The following IGSF21 variants were observed in gnomAD, a reference collection of about 807,000 sequenced individuals.
The protein encoded by IGSF21 is immunoglobulin superfamily member 21.
A neutral mutation model predicts 46.8 loss-of-function variants in IGSF21; 28 were observed. The observed-to-expected ratio is 0.60, with a 90% CI of 0.44 to 0.82. IGSF21 has a LOEUF of 0.82. Among genes scored for constraint, IGSF21 ranks in the 40% least tolerant of loss-of-function variants. IGSF21 has a pLI of 0.00. For missense variants in IGSF21, 624 were observed against 665.5 expected (o/e 0.94, Z 0.69); for synonymous variants, 284 against 273.6 (o/e 1.04, Z -0.38).
chr1:18,333,131 C>G (rs1221564803), intron 3 of IGSF21, among the ~76,000 whole-genome samples: 1 of 152,162 alleles, frequency 6.6e-6, no homozygotes, highest in East Asian at 1.9e-4. Context: ...TGAGCGCCAA[C>G]CAACTGCTGC....
chr1:18,212,439 C>G (rs895594814), intron 1 of IGSF21, among the ~76,000 whole-genome samples: 2 of 152,184 alleles, frequency 1.3e-5, no homozygotes, highest in Non-Finnish European at 2.9e-5. Flanking sequence ...TTCAGAACAC[C>G]TTCCCTGCTG....
At chr1:18,223,877 C>G (rs910361444) in intron 1 of IGSF21, among the ~76,000 whole-genome samples, 1 of 152,218 alleles carries the variant, frequency 6.6e-6, no homozygotes, top group Non-Finnish European at 1.5e-5. Context: ...CCCACTCCCT[C>G]AGCTTCCTGC....
chr1:18,319,069 T>C (rs2124592110), intron 3 of IGSF21, among the ~76,000 whole-genome samples: 2 of 152,324 alleles, frequency 1.3e-5, no homozygotes, highest in Middle Eastern at 6.8e-3. Context: ...TGTCTTAAAC[T>C]AGATAAGAGT....
chr1:18,139,209 T>C (rs1024274413), intron 1 of IGSF21, among the ~76,000 whole-genome samples: 2 of 152,228 alleles, frequency 1.3e-5, no homozygotes, highest in African/African-American at 4.8e-5. Flanking sequence ...GTAACACTTT[T>C]TGCATGAATA....
At chr1:18,355,923 C>T (rs2086012672) in intron 4 of IGSF21, among the ~76,000 whole-genome samples, 1 of 150,794 alleles carries the variant, frequency 6.6e-6, no homozygotes, top group Non-Finnish European at 1.5e-5. Context: ...GCAACCTCCG[C>T]CTTCCGGGTT....
At chr1:18,201,292 G>A (rs187851407) in intron 1 of IGSF21, among the ~76,000 whole-genome samples, 60 of 152,308 alleles carry the variant, frequency 3.9e-4, no homozygotes, top group Non-Finnish European at 7.8e-4. Flanking sequence ...ACTCAGAATG[G>A]CCAGGCTAAG....
chr1:18,257,505 C>A (rs1047904744), intron 2 of IGSF21, among the ~76,000 whole-genome samples: 2 of 152,102 alleles, frequency 1.3e-5, no homozygotes, highest in African/African-American at 4.8e-5. Context: ...GTGGAGGCTA[C>A]GGAGGCTCAG....
chr1:18,356,292 C>T (rs2086017311), intron 4 of IGSF21, among the ~76,000 whole-genome samples: 1 of 152,220 alleles, frequency 6.6e-6, no homozygotes, highest in Non-Finnish European at 1.5e-5. Flanking sequence ...CCACCACACA[C>T]ACCCCAGAGA....
intron 2 of IGSF21, among the ~76,000 whole-genome samples, chr1:18,253,086 T>C (rs923256484): frequency 2.6e-5 from 4 of 152,156 alleles, no homozygotes; most frequent in Non-Finnish European, 5.9e-5. Context: ...CCTTCTGGAA[T>C]TGGGACAAGC....
chr1:18,126,655 C>T (rs1324500879), intron 1 of IGSF21, among the ~76,000 whole-genome samples: 1 of 152,190 alleles, frequency 6.6e-6, no homozygotes, highest in African/African-American at 2.4e-5. Context: ...TGAACCTCTC[C>T]TCTGCCAGCC....
chr1:18,242,490 AGT>A (rs2124519195), intron 2 of IGSF21, among the ~76,000 whole-genome samples: 1 of 152,340 alleles, frequency 6.6e-6, no homozygotes, highest in East Asian at 1.9e-4. Flanking sequence ...AAAGTGGTAG[AGT>A]AACTCAAATG....
rs998452889 is a variant in IGSF21, at chr1:18,359,261, G to C, written c.425-2854G>C. 5.6e-5 allele frequency among the ~76,000 whole-genome samples: 8 copies of C among 143,122 alleles called. 2 individuals are homozygous for C. The highest frequency in any genetic ancestry group is 1.1e-4 in the African/African-American group (4 of 37,504). 93.9% of individuals were successfully genotyped at this position (143,122 alleles called of 152,430 possible). On this transcript the variant is annotated intron_variant, in intron 4 of 9. Transcript: ENST00000251296. ...CCAGTTCACTCCAGCCTGGGTAACA[G>C]AGCGAGACCCTGCCTCAAAAAACAC...
At position 18,376,890 on chromosome 1, in the gene IGSF21, G is replaced by T; in HGVS notation, c.1192G>T (p.Val398Leu). The T allele has an allele frequency of 6.2e-7, 1 of 1,613,034 alleles. No individual in the cohort carries two copies. Among genetic ancestry groups the T allele is most frequent in the Non-Finnish European group, 8.5e-7 (1 of 1,179,100 alleles). ...CGCTGAGTTCGACGGGAAGGAGCTG[G>T]TGCTGGAGCGGGTTCCCGCCGAGCT... ...GSAEFDGKELVLERVPAELNG... is the reference protein window; with the variant it reads ...GSAEFDGKELLLERVPAELNG... Residue 398 changes from valine (V) to leucine (L), a missense_variant, in exon 8 of 10, where the codon GTG becomes TTG. By Grantham distance (32) the Val-to-Leu change is conservative. Coordinates refer to ENST00000251296, the MANE Select transcript of IGSF21 (RefSeq NM_032880.5).
At chr1:18,175,781 G>A (rs551595350) in intron 1 of IGSF21, among the ~76,000 whole-genome samples, 21 of 152,368 alleles carry the variant, frequency 1.4e-4, no homozygotes, top group South Asian at 8.3e-4. Context: ...TGTTCCCTCC[G>A]CCTCCAAAAG....
intron 1 of IGSF21, among the ~76,000 whole-genome samples, chr1:18,116,828 T>G (rs2086193504): frequency 6.6e-6 from 1 of 152,202 alleles, no homozygotes; most frequent in Non-Finnish European, 1.5e-5. Flanking sequence ...TGAAACAATC[T>G]TGCCAGGTCA....
intron 2 of IGSF21, among the ~76,000 whole-genome samples, chr1:18,261,531 G>A (rs1037709932): frequency 4.6e-5 from 7 of 152,136 alleles, no homozygotes; most frequent in Admixed American, 6.5e-5. Context: ...TCTAGAAATG[G>A]CCACATAATT....
chr1:18,230,437 C>T lies in IGSF21; in HGVS notation c.183+2427C>T, dbSNP rs147520079. On this transcript the variant is annotated intron_variant, in intron 2 of 9. Coordinates refer to ENST00000251296, the MANE Select transcript of IGSF21 (RefSeq NM_032880.5). ...TAATTTATTTTATTTCATTTCACATCCTTTGACTGAGGGCCTCTGGAGCAG... is the reference window on the plus strand; with the variant it reads ...TAATTTATTTTATTTCATTTCACATTCTTTGACTGAGGGCCTCTGGAGCAG... 5.4e-3 allele frequency among the ~76,000 whole-genome samples: 818 copies of T among 152,288 alleles called. 6 individuals are homozygous for T. The highest frequency in any genetic ancestry group is 0.01 in the Middle Eastern group (3 of 294).
At position 18,238,063 on chromosome 1, in the gene IGSF21, A is replaced by G. The variant is rs982973317; in HGVS notation, c.183+10053A>G. ...TATGTTGTGTGTGTTTTTGTGGGAG[A>G]AAGGTGCAGAATATTCTCAAAGGAC... is the stretch of plus-strand genomic sequence containing the variant. On this transcript the variant is annotated intron_variant, in intron 2 of 9. Transcript: ENST00000251296. 5.3e-5 allele frequency among the ~76,000 whole-genome samples: 8 copies of G among 152,126 alleles called. 1 individual carries two copies. The South Asian group carries it at 1.7e-3, about 32-fold the overall frequency.
At position 18,177,676 on chromosome 1, in the gene IGSF21, T is replaced by A. The variant is rs117046478; in HGVS notation, c.71-50222T>A. On this transcript the variant is annotated intron_variant, in intron 1 of 9. Transcript: ENST00000251296. The stretch of plus-strand genomic sequence containing the variant: ...GCCTGGGGAATGATCAAATGTCTCA[T>A]CCCCTCTCTCCACTTGAACAAGGAA... Among the ~76,000 whole-genome samples the A allele has an allele frequency of 2.3e-3, 356 of 152,186 alleles. 3 individuals are homozygous for A. In the East Asian group the frequency reaches 0.036, roughly 16 times the overall value.
Sources: allele counts gnomAD v4.1 joint callset (sites outside exome capture counted in the v4.1 genomes callset), GRCh38; gene constraint gnomAD v4.1.1; transcripts MANE v1.5; gene names NCBI Gene and HGNC (gene_info 2026-07-23, HGNC 2026-07-21).